The following RAPGEF1 variants were observed in gnomAD, a reference collection of about 807,000 sequenced individuals.
RAPGEF1 encodes CRK SH3-binding GNRP.
In RAPGEF1, 33 loss-of-function variants were observed where a neutral mutation model predicts 143.3. The observed-to-expected ratio is 0.23, with a 90% CI of 0.17 to 0.31. The LOEUF is 0.31. RAPGEF1 is among the 10% of genes least tolerant of loss of function. RAPGEF1 has a pLI of 1.00. For missense variants in RAPGEF1, 1,199 were observed against 1,645.4 expected (o/e 0.73, Z 4.69); for synonymous variants, 629 against 676.5 (o/e 0.93, Z 1.09).
chr9:131,671,339 C>G (rs765278784), intron 1 of RAPGEF1, among the ~76,000 whole-genome samples: 7 of 152,330 alleles, frequency 4.6e-5, no homozygotes, highest in African/African-American at 1.7e-4. Flanking sequence ...ACGGGCCACA[C>G]GGTGGAGAGG....
intron 1 of RAPGEF1, among the ~76,000 whole-genome samples, chr9:131,688,045 T>C (rs1414561089): frequency 6.6e-6 from 1 of 152,162 alleles, no homozygotes; most frequent in Admixed American, 6.5e-5. Flanking sequence ...GGAGCCCAAG[T>C]ACCCAAGAAA....
chr9:131,708,810 A>G (rs1001147710), intron 1 of RAPGEF1, among the ~76,000 whole-genome samples: 2 of 151,826 alleles, frequency 1.3e-5, no homozygotes, highest in Admixed American at 6.6e-5. Context: ...CGGCTACTGT[A>G]ACCTCCACAT....
chr9:131,620,016 T>C (rs1960325051), intron 11 of RAPGEF1, among the ~76,000 whole-genome samples: 3 of 152,156 alleles, frequency 2.0e-5, no homozygotes, highest in Admixed American at 2.0e-4. Flanking sequence ...CCAGGAGCTG[T>C]GGCAGGGACC....
At chr9:131,595,465 T>C (rs921626155) in intron 17 of RAPGEF1, among the ~76,000 whole-genome samples, 2 of 152,074 alleles carry the variant, frequency 1.3e-5, no homozygotes, top group African/African-American at 2.4e-5. Context: ...ATGAAACGGG[T>C]TGGGCTAGGA....
At chr9:131,695,986 G>A (rs1265860476) in intron 1 of RAPGEF1, among the ~76,000 whole-genome samples, 2 of 152,200 alleles carry the variant, frequency 1.3e-5, no homozygotes, top group East Asian at 1.9e-4. Context: ...TCTGGCTCAG[G>A]AAGATGTCTC....
chr9:131,709,504 T>G, intron 1 of RAPGEF1: 1 of 857,000 alleles, frequency 1.2e-6, no homozygotes, highest in Non-Finnish European at 1.9e-6. Flanking sequence ...GGACTACCTG[T>G]GCTTTCTGCT....
Position 131,604,931 on chromosome 9 carries a change from C to G in RAPGEF1, c.2319G>C (p.Ser773=), listed in dbSNP as rs916014473. 1 of 1,300,170 alleles carries G rather than the reference C, an allele frequency of 7.7e-7. No individual in the cohort carries two copies. Among genetic ancestry groups the G allele is most frequent in the Admixed American group, 2.3e-5 (1 of 43,382 alleles). 80.5% of individuals were successfully genotyped at this position (1,300,170 alleles called of 1,614,324 possible). A position where few individuals can be genotyped will look rare whatever the true frequency, so the allele number is the denominator to read the frequency against. The change falls in exon 13 of 27, where the codon TCG becomes TCC. Residue 773 remains serine (S), a splice_region_variant and synonymous_variant. Coordinates refer to ENST00000683357, the MANE Select transcript of RAPGEF1 (RefSeq NM_001377935.1). ...CLPSETSFTD[S]SENASEEAGE... ...GTGTGTGTGCACGCTGAGTTCTCAC[C>G]GAGTCAGTGAAAGAGGTTTCGGAAG...
chr9:131,627,884 G>C (rs756847621), intron 9 of RAPGEF1, 29 bp downstream of exon 9: 17 of 1,563,492 alleles, frequency 1.1e-5, no homozygotes, highest in Non-Finnish European at 1.4e-5. Context: ...ACCGAGACAC[G>C]ATGGAACAGG....
At chr9:131,592,787 A>G (rs958869551) in intron 17 of RAPGEF1, among the ~76,000 whole-genome samples, 2 of 152,250 alleles carry the variant, frequency 1.3e-5, no homozygotes, top group South Asian at 2.1e-4. Context: ...GTCTCACTCT[A>G]TCACTCAGGC....
intron 1 of RAPGEF1, among the ~76,000 whole-genome samples, chr9:131,663,024 T>C (rs906232129): frequency 6.6e-6 from 1 of 152,038 alleles, no homozygotes; most frequent in African/African-American, 2.4e-5. Context: ...TGAAAGAATA[T>C]TATGAAGCGA....
intron 12 of RAPGEF1, among the ~76,000 whole-genome samples, chr9:131,617,251 C>T (rs1387240667): frequency 6.6e-6 from 1 of 152,208 alleles, no homozygotes; most frequent in East Asian, 1.9e-4. Flanking sequence ...CCAAGTTTCG[C>T]AAGATTTGTG....
In RAPGEF1 at chr9:131,740,001, G is replaced by A. The variant is rs1319944654; in HGVS notation, c.-171C>T. 1.2e-5 allele frequency: 2 copies of A among 169,252 alleles called. No homozygotes were observed. The highest frequency in any genetic ancestry group is 1.9e-4 in the South Asian group (1 of 5,346). The allele number at this position is 169,252 out of a possible 1,614,324, so 10.5% of individuals were successfully genotyped here. On this transcript the variant is annotated 5_prime_UTR_variant, in exon 1 of 27. Coordinates refer to ENST00000683357, the MANE Select transcript of RAPGEF1 (RefSeq NM_001377935.1). The surrounding 1 kb of genome is among the most constrained non-coding windows in gnomAD (Gnocchi z 4.5). Reference sequence around the variant, plus strand: ...GCCCGGGCCCAGCCGCTCCCGCCGCGCCCGCCGCCGCCGCTCCGCCTCCCG... The same window carrying A: ...GCCCGGGCCCAGCCGCTCCCGCCGCACCCGCCGCCGCCGCTCCGCCTCCCG...
At chr9:131,633,028 G>A (rs768954589) in intron 5 of RAPGEF1, among the ~76,000 whole-genome samples, 4 of 152,190 alleles carry the variant, frequency 2.6e-5, no homozygotes, top group Non-Finnish European at 5.9e-5. Context: ...ACAGATGCAG[G>A]TTCAGTGTTA....
intron 1 of RAPGEF1, among the ~76,000 whole-genome samples, chr9:131,671,955 CT>C (rs1261971045): frequency 6.6e-6 from 1 of 152,260 alleles, no homozygotes; most frequent in African/African-American, 2.4e-5. Flanking sequence ...TTTCACGAAA[CT>C]TAATCACAAC....
In RAPGEF1 at chr9:131,671,500, G is replaced by A. The variant is rs912058498; in HGVS notation, c.62-20551C>T. ...GAGCGCCTCCAACCAGCCCAACAAC[G>A]TGGGGCCTTTGCTGCCACAGAGGTT... On this transcript the variant is annotated intron_variant, in intron 1 of 26. Transcript: ENST00000683357. 2.6e-5 allele frequency among the ~76,000 whole-genome samples: 4 copies of A among 152,374 alleles called. No homozygotes were observed. The East Asian group carries it at 5.8e-4, about 22-fold the overall frequency.
intron 1 of RAPGEF1, among the ~76,000 whole-genome samples, chr9:131,731,290 T>C (rs988377128): frequency 6.6e-6 from 1 of 152,170 alleles, no homozygotes. Flanking sequence ...GCTACTACTA[T>C]TATTTGTATT....
In RAPGEF1 at chr9:131,731,774, A is replaced by C. The variant is rs897057989; in HGVS notation, c.61+7996T>G. On this transcript the variant is annotated intron_variant, in intron 1 of 26. Transcript: ENST00000683357. The stretch of plus-strand genomic sequence containing the variant: ...GCACTGCAGAATCGCCTGATCACAA[A>C]ACTTAATATGCAGTAAAGTCACTGT... 8.5e-5 allele frequency among the ~76,000 whole-genome samples: 13 copies of C among 152,324 alleles called. 1 individual carries two copies. Among genetic ancestry groups the C allele is most frequent in the African/African-American group, 2.6e-4 (11 of 41,580 alleles).
At chr9:131,634,269 G>C (rs1965725819) in intron 5 of RAPGEF1, among the ~76,000 whole-genome samples, 1 of 151,712 alleles carries the variant, frequency 6.6e-6, no homozygotes, top group Non-Finnish European at 1.5e-5. Flanking sequence ...AAAAGAAGAA[G>C]AGACTACTCT....
At position 131,628,283 on chromosome 9, in the gene RAPGEF1, G is replaced by A. The variant is rs554467793; in HGVS notation, c.1018-187C>T. ...AGCAGCCATCTGGAGTTTGTGGGGGGTGTGGCCAGGGAGGGCCCTGGGGCT... is the reference window on the plus strand; with the variant it reads ...AGCAGCCATCTGGAGTTTGTGGGGGATGTGGCCAGGGAGGGCCCTGGGGCT... On this transcript the variant is annotated intron_variant, in intron 8 of 26. Transcript: ENST00000683357. This position sits in a 1 kb window ranked among gnomAD's most constrained non-coding sequence, Gnocchi z 5.7. Among the ~76,000 whole-genome samples the A allele has an allele frequency of 6.6e-5, 10 of 152,356 alleles. No homozygotes were observed. The highest frequency in any genetic ancestry group is 1.9e-4 in the African/African-American group (8 of 41,594).
Sources: gnomAD v4.1 joint callset for allele counts (sites outside exome capture counted in the v4.1 genomes callset) on GRCh38, gnomAD v4.1.1 for gene constraint, Gnocchi (gnomAD v3.1) non-coding constraint, MANE v1.5 for transcripts, NCBI Gene and HGNC (gene_info 2026-07-23, HGNC 2026-07-21) for gene names.